FAM193B: variants seen among roughly 807,000 people sequenced by gnomAD.
FAM193B encodes protein FAM193B.
A neutral mutation model predicts 70.7 loss-of-function variants in FAM193B; 27 were observed. The ratio of observed to expected loss-of-function variants is 0.38; its 90% CI spans 0.28 to 0.53. FAM193B has a LOEUF of 0.53. FAM193B is among the 20% of genes least tolerant of loss of function. The pLI, the probability that FAM193B is intolerant of heterozygous loss-of-function variation, is 0.81. For synonymous variants in FAM193B, 448 were observed against 436.0 expected (o/e 1.03, Z -0.34); for missense variants, 1,022 against 1,072.5 (o/e 0.95, Z 0.66).
In FAM193B at chr5:177,524,987, G is replaced by C; in HGVS notation, c.1494C>G (p.Asp498Glu). Residue 498 changes from aspartate to glutamate, a missense_variant, in exon 6 of 9, where the codon GAC (aspartate) becomes GAG (glutamate). Asp to Glu is a conservative substitution (Grantham distance 45). Transcript: ENST00000514747. ...ASFSVCELSM[D>E]SNGFSKEGAA... ...CCCCCTCCTTAGAGAAGCCATTGCT[G>C]TCCATGCTGAGCTCACACACACTGA... 6.6e-7 allele frequency: 1 copy of C among 1,521,972 alleles called. No individual in the cohort carries two copies. The highest frequency in any genetic ancestry group is 8.8e-7 in the Non-Finnish European group (1 of 1,135,594). The allele number at this position is 1,521,972 out of a possible 1,614,324, so 94.3% of individuals were successfully genotyped here.
chr5:177,549,950 C>T, intron 1 of FAM193B, among the ~76,000 whole-genome samples: 1 of 152,124 alleles, frequency 6.6e-6, no homozygotes, highest in East Asian at 1.9e-4. Context: ...AAAACATAGA[C>T]CCTGCTCTAA....
chr5:177,521,784 G>T (rs1193561752), intron 8 of FAM193B, among the ~76,000 whole-genome samples, 190 bp downstream of exon 8: 1 of 152,214 alleles, frequency 6.6e-6, no homozygotes, highest in African/African-American at 2.4e-5. Flanking sequence ...GTGGCTGCGG[G>T]AGGAGATGGG....
intron 6 of FAM193B, 53 bp downstream of exon 6, chr5:177,524,132 C>G: frequency 6.2e-7 from 1 of 1,603,186 alleles, no homozygotes; most frequent in Non-Finnish European, 8.5e-7. Flanking sequence ...GCCCCTCCAC[C>G]CCGTGGACTG....
chr5:177,531,978 T>G, intron 5 of FAM193B: 1 of 1,287,878 alleles, frequency 7.8e-7, no homozygotes, highest in Non-Finnish European at 1.0e-6. Context: ...CACTGCTTCC[T>G]CCCCCTGGCC....
chr5:177,525,983 G>A (rs1249949264), intron 5 of FAM193B, among the ~76,000 whole-genome samples: 1 of 152,258 alleles, frequency 6.6e-6, no homozygotes, highest in Non-Finnish European at 1.5e-5. Flanking sequence ...ACAGGCGGCA[G>A]ATAAAAAACC....
At chr5:177,548,829 A>G (rs1765802256) in intron 1 of FAM193B, among the ~76,000 whole-genome samples, 1 of 152,164 alleles carries the variant, frequency 6.6e-6, no homozygotes, top group Non-Finnish European at 1.5e-5. Context: ...AAAACCTTTC[A>G]TTGATTCTTC....
At chr5:177,548,038 CAAG>C (rs1377422729) in intron 1 of FAM193B, among the ~76,000 whole-genome samples, 1 of 152,220 alleles carries the variant, frequency 6.6e-6, no homozygotes, top group African/African-American at 2.4e-5. Context: ...CACATCCTGC[CAAG>C]AAGGACCAAA....
Position 177,532,040 on chromosome 5 carries a change from C to G in FAM193B, c.1275+403G>C. ...CCTCCTTCCTGGCGCCGTCTGTGCT[C>G]ACGGCCTGTCCCTCGGCTGGCTGTC... is the stretch of plus-strand genomic sequence containing the variant. On this transcript the variant is annotated intron_variant, in intron 5 of 8. Coordinates refer to ENST00000514747, the MANE Select transcript of FAM193B (RefSeq NM_001190946.3). The surrounding 1 kb of genome is among the most constrained non-coding windows in gnomAD (Gnocchi z 4.9). 7.7e-7 allele frequency: 1 copy of G among 1,293,106 alleles called. No individual in the cohort carries two copies. Among genetic ancestry groups the G allele is most frequent in the Non-Finnish European group, 1.0e-6 (1 of 991,474 alleles). The allele number at this position is 1,293,106 out of a possible 1,614,324, so 80.1% of individuals were successfully genotyped here. A position where few individuals can be genotyped will look rare whatever the true frequency, so the allele number is the denominator to read the frequency against.
intron 5 of FAM193B, among the ~76,000 whole-genome samples, chr5:177,529,314 T>C (rs115767004): frequency 3.8e-3 from 576 of 151,868 alleles, no homozygotes; most frequent in Non-Finnish European, 6.0e-3. Flanking sequence ...TCTTTCCATT[T>C]CCTGAGGCGG....
intron 5 of FAM193B, chr5:177,531,948 T>G: frequency 7.9e-7 from 1 of 1,270,578 alleles, no homozygotes; most frequent in Non-Finnish European, 1.0e-6. Flanking sequence ...CCCTCTCCTC[T>G]TCACCTTATG....
chr5:177,531,927 C>A, intron 5 of FAM193B: 1 of 1,246,048 alleles, frequency 8.0e-7, no homozygotes, highest in South Asian at 1.4e-5. Flanking sequence ...CTGCTCTACC[C>A]TAACCAGCGG....
chr5:177,530,063 G>A (rs975375050), intron 5 of FAM193B, among the ~76,000 whole-genome samples: 1 of 152,104 alleles, frequency 6.6e-6, no homozygotes, highest in Admixed American at 6.5e-5. Context: ...AAATCTCTTC[G>A]GATGCTGGGC....
Position 177,524,491 on chromosome 5 carries a change from C to T in FAM193B, c.1990G>A (p.Ala664Thr), listed in dbSNP as rs747072738. ...RPPASLEVPS[A>T]KGQVAGPKQP... ...TTGGGGCCAGCGACCTGGCCCTTGG[C>T]ACTGGGAACCTCTAGGCTGGCTGGG... Residue 664 changes from alanine (A) to threonine (T), a missense_variant, in exon 6 of 9, where the codon GCC becomes ACC. By Grantham distance (58) the Ala-to-Thr change is moderately conservative. Coordinates refer to ENST00000514747, the MANE Select transcript of FAM193B (RefSeq NM_001190946.3). 12 of 1,612,958 alleles carry T rather than the reference C, an allele frequency of 7.4e-6. No individual in the cohort carries two copies. In the South Asian group the frequency reaches 8.8e-5, roughly 12 times the overall value.
chr5:177,525,612 G>A (rs192350298), intron 5 of FAM193B: 20 of 165,756 alleles, frequency 1.2e-4, no homozygotes, highest in African/African-American at 4.5e-4. Context: ...AGGCAGGTGT[G>A]GGGGTAGATG....
At chr5:177,553,533 T>C (rs567503595) in intron 1 of FAM193B, 5 of 1,143,310 alleles carry the variant, frequency 4.4e-6, no homozygotes, top group Non-Finnish European at 4.4e-6. Context: ...AAAGTGACCT[T>C]CTTCCAGGTG....
intron 5 of FAM193B, chr5:177,531,270 C>T: frequency 7.7e-7 from 1 of 1,292,412 alleles, no homozygotes; most frequent in Non-Finnish European, 1.0e-6. Flanking sequence ...GCTGGGCTCT[C>T]CCTACACCCA....
At chr5:177,522,351 G>A (rs1990910) in intron 7 of FAM193B, among the ~76,000 whole-genome samples, 63,757 of 152,034 alleles carry the variant, frequency 0.42, 14,586 homozygotes, top group East Asian at 0.62. Context: ...GCTGGCTTCC[G>A]TCATTCCCTT....
At chr5:177,520,323 T>G (rs991596625) in intron 8 of FAM193B, 142 bp from the exon 9 acceptor site, 1 of 152,270 alleles carries the variant, frequency 6.6e-6, no homozygotes, top group Non-Finnish European at 1.5e-5. Context: ...ATGTTGAAGA[T>G]TCCCTGGATC....
At chr5:177,539,504 TG>T (rs1764591826) in intron 1 of FAM193B, among the ~76,000 whole-genome samples, 1 of 152,220 alleles carries the variant, frequency 6.6e-6, no homozygotes, top group Non-Finnish European at 1.5e-5. Context: ...CTGGCATGGC[TG>T]GGAGTGTCCA....
Sources: gnomAD v4.1 joint callset for allele counts (sites outside exome capture counted in the v4.1 genomes callset) on GRCh38, gnomAD v4.1.1 for gene constraint, Gnocchi (gnomAD v3.1) non-coding constraint, MANE v1.5 for transcripts, NCBI Gene and HGNC (gene_info 2026-07-23, HGNC 2026-07-21) for gene names.